SLC9A9: variants seen among roughly 807,000 people sequenced by gnomAD.
SLC9A9 encodes sodium/hydrogen exchanger 9.
Under a neutral mutation model 77.8 loss-of-function variants are expected in SLC9A9, and 62 were observed. The ratio of observed to expected loss-of-function variants is 0.80; its 90% CI spans 0.65 to 0.98. The LOEUF is 0.98. Among genes scored for constraint, SLC9A9 ranks in the 50% least tolerant of loss-of-function variants. The probability of loss-of-function intolerance (pLI) is 0.00; values close to 1 mark genes in which losing one functional copy is unlikely to be tolerated. For missense variants in SLC9A9, 775 were observed against 774.9 expected, an observed-to-expected ratio of 1.00 and a Z score of 0.00; for synonymous variants, 320 against 283.5, an observed-to-expected ratio of 1.13 and a Z score of -1.29.
At chr3:143,508,195 T>G (rs560051722) in intron 9 of SLC9A9, among the ~76,000 whole-genome samples, 1 of 152,356 alleles carries the variant, frequency 6.6e-6, no homozygotes, top group Admixed American at 6.5e-5. Flanking sequence ...CCATCCACTA[T>G]GAGAACCATG....
chr3:143,475,843 G>A (rs1478892302), intron 11 of SLC9A9, among the ~76,000 whole-genome samples: 1 of 140,374 alleles, frequency 7.1e-6, no homozygotes, highest in Non-Finnish European at 1.7e-5. Context: ...AGCAGTAGAT[G>A]GACAGGGATG....
intron 12 of SLC9A9, among the ~76,000 whole-genome samples, chr3:143,419,498 T>C (rs2034258541): frequency 6.6e-6 from 1 of 152,224 alleles, no homozygotes; most frequent in Non-Finnish European, 1.5e-5. Context: ...AGGCCCCATC[T>C]ACCTCTAACG....
intron 9 of SLC9A9, among the ~76,000 whole-genome samples, chr3:143,545,006 C>T (rs2036762192): frequency 6.6e-6 from 1 of 152,086 alleles, no homozygotes; most frequent in Admixed American, 6.5e-5. Context: ...TCCGGGTTCT[C>T]TATTCTGTTT....
At chr3:143,611,450 G>T (rs138527020) in intron 6 of SLC9A9, among the ~76,000 whole-genome samples, 220 of 151,538 alleles carry the variant, frequency 1.5e-3, no homozygotes, top group African/African-American at 5.0e-3. Flanking sequence ...GAGTAGAAAC[G>T]AGCATTATAC....
chr3:143,275,248 G>A (rs1250825387), intron 14 of SLC9A9, among the ~76,000 whole-genome samples: 1 of 152,128 alleles, frequency 6.6e-6, no homozygotes, highest in African/African-American at 2.4e-5. Context: ...TGAACTTGTG[G>A]AAACTTTCTT....
intron 6 of SLC9A9, among the ~76,000 whole-genome samples, chr3:143,649,043 T>C (rs947952804): frequency 2.0e-5 from 3 of 152,214 alleles, no homozygotes; most frequent in African/African-American, 7.2e-5. Context: ...GACCTCAGTT[T>C]AGGTTGGTTT....
chr3:143,335,667 T>C (rs1269899026), intron 14 of SLC9A9, among the ~76,000 whole-genome samples: 1 of 152,174 alleles, frequency 6.6e-6, no homozygotes, highest in Non-Finnish European at 1.5e-5. Flanking sequence ...GGGGAAAGGA[T>C]AGTCTCTTCA....
At chr3:143,560,091 C>T (rs1031310416) in intron 8 of SLC9A9, among the ~76,000 whole-genome samples, 1 of 152,230 alleles carries the variant, frequency 6.6e-6, no homozygotes, top group Non-Finnish European at 1.5e-5. Context: ...CCCAAGAATC[C>T]ACAAGGCAAT....
intron 13 of SLC9A9, among the ~76,000 whole-genome samples, chr3:143,377,875 C>G (rs1021760): frequency 0.79 from 119,490 of 152,166 alleles, 47,071 homozygotes; most frequent in African/African-American, 0.81. Flanking sequence ...CCGCTCCCAC[C>G]TTGCTTACTC....
chr3:143,720,328 A>G (rs939960463), intron 4 of SLC9A9, among the ~76,000 whole-genome samples: 2 of 151,976 alleles, frequency 1.3e-5, no homozygotes, highest in African/African-American at 4.8e-5. Context: ...AACTATACAC[A>G]TGGCAAGTAA....
chr3:143,625,645 C>T (rs1395210190), intron 6 of SLC9A9, among the ~76,000 whole-genome samples: 8 of 152,096 alleles, frequency 5.3e-5, no homozygotes, highest in Non-Finnish European at 1.0e-4. Flanking sequence ...AATGTTAGAC[C>T]TAAAACCATA....
At chr3:143,560,812 A>G (rs2037071529) in intron 8 of SLC9A9, among the ~76,000 whole-genome samples, 1 of 152,174 alleles carries the variant, frequency 6.6e-6, no homozygotes, top group South Asian at 2.1e-4. Flanking sequence ...ATGTTATAAG[A>G]CTGAAAATTA....
At chr3:143,367,483 C>T (rs4839628) in intron 13 of SLC9A9, among the ~76,000 whole-genome samples, 109,953 of 152,184 alleles carry the variant, frequency 0.72, 40,845 homozygotes, top group African/African-American at 0.9. Context: ...TCTGAAGTTA[C>T]TGATGACTTA....
intron 9 of SLC9A9, among the ~76,000 whole-genome samples, chr3:143,530,068 T>C (rs1044668766): frequency 1.2e-4 from 19 of 152,188 alleles, no homozygotes; most frequent in African/African-American, 4.6e-4. Flanking sequence ...GCTATTGACG[T>C]TGTAGCATGC....
intron 9 of SLC9A9, among the ~76,000 whole-genome samples, chr3:143,516,212 T>A (rs2036200559): frequency 6.6e-6 from 1 of 151,660 alleles, no homozygotes; most frequent in Non-Finnish European, 1.5e-5. Context: ...CCAGTCATGC[T>A]CTTCTCTTAT....
chr3:143,494,766 T>G (rs1358291797), intron 10 of SLC9A9, among the ~76,000 whole-genome samples: 1 of 152,214 alleles, frequency 6.6e-6, no homozygotes, highest in Non-Finnish European at 1.5e-5. Context: ...GGGGTCTAGA[T>G]TTCATCTGTC....
intron 12 of SLC9A9, among the ~76,000 whole-genome samples, chr3:143,414,218 ATAG>A (rs752825998): frequency 1.3e-5 from 2 of 152,202 alleles, no homozygotes; most frequent in Non-Finnish European, 2.9e-5. Flanking sequence ...GTGCACCTGT[ATAG>A]AAGTCTGTGT....
At chr3:143,283,297 G>A (rs1210200741) in intron 14 of SLC9A9, among the ~76,000 whole-genome samples, 1 of 152,170 alleles carries the variant, frequency 6.6e-6, no homozygotes, top group Non-Finnish European at 1.5e-5. Context: ...TGTAGGAGAC[G>A]GGTGGGCACT....
At chr3:143,678,782 G>A (rs1932970538) in intron 5 of SLC9A9, among the ~76,000 whole-genome samples, 1 of 152,148 alleles carries the variant, frequency 6.6e-6, no homozygotes, top group Admixed American at 6.5e-5. Flanking sequence ...AATGTTTAAA[G>A]TGGTAAGTTT....
Sources: gnomAD v4.1 joint callset for allele counts (sites outside exome capture counted in the v4.1 genomes callset) on GRCh38, gnomAD v4.1.1 for gene constraint, MANE v1.5 for transcripts, NCBI Gene and HGNC (gene_info 2026-07-23, HGNC 2026-07-21) for gene names.